TRPM8: variants seen among roughly 807,000 people sequenced by gnomAD.
The protein encoded by TRPM8 is TRPM8 cationic channel.
A neutral mutation model predicts 133.7 loss-of-function variants in TRPM8; 110 were observed. The observed-to-expected ratio is 0.82, with a 90% CI of 0.70 to 0.96. The LOEUF is 0.96. TRPM8 is among the 40% of genes least tolerant of loss of function. The pLI is 0.00. For missense variants in TRPM8, 1,291 were observed against 1,379.5 expected (o/e 0.94, Z 1.02); for synonymous variants, 535 against 532.3 (o/e 1.01, Z -0.07).
chr2:233,973,313 C>G (rs1691779433), intron 17 of TRPM8, among the ~76,000 whole-genome samples: 1 of 152,224 alleles, frequency 6.6e-6, no homozygotes, highest in African/African-American at 2.4e-5. Flanking sequence ...GGCCAGAAGT[C>G]TGAGATCAAG....
chr2:233,953,985 T>C lies in TRPM8; in HGVS notation c.1209T>C (p.Ile403=), dbSNP rs755844488. The change falls in exon 10 of 26, where the codon ATT becomes ATC. Residue 403 remains isoleucine, a synonymous_variant. Transcript: ENST00000324695. ...AAATGGAAGAAGCTGGGGATGAAAT[T>C]GTGAGCAATGCCATCTCCTACGCTC... ...VIKMEEAGDE[I]VSNAISYALY... 3.1e-6 allele frequency: 5 copies of C among 1,614,012 alleles called. No individual in the cohort carries two copies. The highest frequency in any genetic ancestry group is 1.6e-4 in the Middle Eastern group (1 of 6,062).
rs759345104 is a variant in TRPM8, at chr2:233,980,162, C to T, written c.2356-26C>T. The T allele has an allele frequency of 2.7e-6, 4 of 1,458,024 alleles. No homozygotes were observed. In the East Asian group the frequency reaches 9.3e-5, roughly 34 times the overall value. 90.3% of individuals were successfully genotyped at this position (1,458,024 alleles called of 1,614,324 possible). A position where few individuals can be genotyped will look rare whatever the true frequency, so the allele number is the denominator to read the frequency against. On this transcript the variant is annotated intron_variant, in intron 17 of 25. Transcript: ENST00000324695. Reference sequence around the variant, plus strand: ...GTTGATATTTCCAAGCTGCTGATGTCCCTCTCTGTCCCTTTCTGTACGCAG... The same window carrying T: ...GTTGATATTTCCAAGCTGCTGATGTTCCTCTCTGTCCCTTTCTGTACGCAG...
rs200706444 is a variant in TRPM8 at position 233,980,184 on chromosome 2, G to A, written c.2356-4G>A. 25 of 1,591,208 alleles carry A rather than the reference G, an allele frequency of 1.6e-5. No homozygotes were observed. In the Admixed American group the frequency reaches 2.3e-4, roughly 14 times the overall value. ...TGTCCCTCTCTGTCCCTTTCTGTACGCAGTGGTACGTAAATGGGGTGAATT... is the reference window on the plus strand; with the variant it reads ...TGTCCCTCTCTGTCCCTTTCTGTACACAGTGGTACGTAAATGGGGTGAATT... On this transcript the variant is annotated splice_polypyrimidine_tract_variant and splice_region_variant and intron_variant, in intron 17 of 25. Transcript: ENST00000324695.
At chr2:233,954,411 A>AC (rs1691242673) in intron 10 of TRPM8, among the ~76,000 whole-genome samples, 1 of 152,218 alleles carries the variant, frequency 6.6e-6, no homozygotes, top group South Asian at 2.1e-4. Flanking sequence ...CACCTAAGTA[A>AC]CTTTGCATTT....
chr2:233,945,962 G>A lies in TRPM8; in HGVS notation c.806G>A (p.Gly269Glu), dbSNP rs1178501496. 1.9e-6 allele frequency: 3 copies of A among 1,614,152 alleles called. No homozygotes were observed. The highest frequency in any genetic ancestry group is 1.7e-6 in the Non-Finnish European group (2 of 1,180,012). Residue 269 changes from glycine (G) to glutamate (E), a missense_variant, in exon 7 of 26, where the codon GGA becomes GAA. Physicochemically the swap from Gly to Glu is moderately conservative, Grantham distance 98. This residue lies in a region of TRPM8 where 963 missense variants were observed against 968.9 expected (regional missense o/e 0.99). Transcript: ENST00000324695. The part of the protein sequence containing the change: ...HLLLVDNGCH[G>E]HPTVEAKLRN... Reference sequence around the variant, plus strand: ...CTGCTCGTGGACAATGGCTGTCATGGACATCCCACTGTCGAAGCAAAGCTC... The same window carrying A: ...CTGCTCGTGGACAATGGCTGTCATGAACATCCCACTGTCGAAGCAAAGCTC...
chr2:234,007,373 A>T (rs769650805), intron 23 of TRPM8, among the ~76,000 whole-genome samples: 1 of 152,254 alleles, frequency 6.6e-6, no homozygotes, highest in Non-Finnish European at 1.5e-5. Flanking sequence ...ATTAGAAGAT[A>T]GAAAAACCAT....
intron 14 of TRPM8, among the ~76,000 whole-genome samples, chr2:233,965,316 T>C (rs1691540070): frequency 6.6e-6 from 1 of 152,198 alleles, no homozygotes; most frequent in Admixed American, 6.5e-5. Flanking sequence ...AGTTAGGACA[T>C]GCTGAGCTTC....
Position 233,981,780 on chromosome 2 carries a change from C to A in TRPM8, c.2454C>A (p.His818Gln). Reference sequence around the variant, plus strand: ...TTCCTTCTTTTCCCCCTAGGCTCCACTCTTCTAATAAAAGCTCTTTGTATT... The same window carrying A: ...TTCCTTCTTTTCCCCCTAGGCTCCAATCTTCTAATAAAAGCTCTTTGTATT... Reference protein sequence around the residue: ...YFIAGIVFRLHSSNKSSLYSG... With the variant: ...YFIAGIVFRLQSSNKSSLYSG... The change falls in exon 19 of 26, where the codon CAC becomes CAA. Residue 818 changes from histidine to glutamine, a missense_variant. By Grantham distance (24) the His-to-Gln change is conservative. Coordinates refer to ENST00000324695, the MANE Select transcript of TRPM8 (RefSeq NM_024080.5). The A allele has an allele frequency of 6.2e-7, 1 of 1,608,474 alleles. No individual in the cohort carries two copies. The highest frequency in any genetic ancestry group is 8.5e-7 in the Non-Finnish European group (1 of 1,178,276).
chr2:233,985,641 C>G, intron 20 of TRPM8, 47 bp from the exon 21 acceptor site: 1 of 1,579,426 alleles, frequency 6.3e-7, no homozygotes. Context: ...ATCGCTCTCA[C>G]CCCTCCAGAG....
At chr2:233,977,314 C>T (rs1383430433) in intron 17 of TRPM8, among the ~76,000 whole-genome samples, 1 of 152,144 alleles carries the variant, frequency 6.6e-6, no homozygotes, top group East Asian at 1.9e-4. Flanking sequence ...GAAATAGTGT[C>T]CTGGGATTTT....
chr2:233,933,753 A>G (rs1475689649), intron 3 of TRPM8: 1 of 163,784 alleles, frequency 6.1e-6, no homozygotes, highest in Admixed American at 6.5e-5. Flanking sequence ...CCATCCTCCA[A>G]TAAGCTTGGG....
Position 233,989,826 on chromosome 2 carries a change from G to T in TRPM8, c.2939+3961G>T, listed in dbSNP as rs773723343. Among the ~76,000 whole-genome samples the T allele has an allele frequency of 2.0e-5, 3 of 152,200 alleles. 1 individual carries two copies. The highest frequency in any genetic ancestry group is 6.8e-3 in the Middle Eastern group (2 of 294). On this transcript the variant is annotated intron_variant, in intron 21 of 25. Coordinates refer to ENST00000324695, the MANE Select transcript of TRPM8 (RefSeq NM_024080.5). This position sits in a 1 kb window ranked among gnomAD's most constrained non-coding sequence, Gnocchi z 4.2. ...CACAGGGCCTGTGTGGCTTATCAGCGGCAGGAAGTGAATTTAAAGTCAGTA... is the reference window on the plus strand; with the variant it reads ...CACAGGGCCTGTGTGGCTTATCAGCTGCAGGAAGTGAATTTAAAGTCAGTA...
intron 12 of TRPM8, among the ~76,000 whole-genome samples, chr2:233,962,404 AATGC>A (rs1691461795): frequency 3.9e-5 from 6 of 152,144 alleles, no homozygotes; most frequent in Non-Finnish European, 8.8e-5. Flanking sequence ...TTGACTTGAT[AATGC>A]ACTTTTTATG....
intron 5 of TRPM8, among the ~76,000 whole-genome samples, chr2:233,939,834 T>G (rs1182178760): frequency 6.6e-6 from 1 of 152,206 alleles, no homozygotes; most frequent in Non-Finnish European, 1.5e-5. Context: ...GTTGCAGGAA[T>G]CATGATCCTT....
intron 17 of TRPM8, among the ~76,000 whole-genome samples, chr2:233,972,456 C>T (rs534071752): frequency 1.1e-3 from 163 of 152,388 alleles, no homozygotes; most frequent in Non-Finnish European, 2.1e-3. Flanking sequence ...GCCAGTCCTG[C>T]GCTGTGCGCC....
rs1202257183 is a variant in TRPM8 at position 234,017,459 on chromosome 2, G to A, written c.*203G>A. The stretch of plus-strand genomic sequence containing the variant: ...TTTCATACTTGAAGACGGATATAAA[G>A]GAAGAATATTTCCTTTATGTGTTTC... On this transcript the variant is annotated 3_prime_UTR_variant, in exon 26 of 26. Transcript: ENST00000324695. 2.2e-6 allele frequency: 1 copy of A among 445,170 alleles called. No individual in the cohort carries two copies. Among genetic ancestry groups the A allele is most frequent in the Non-Finnish European group, 4.6e-6 (1 of 216,908 alleles). The allele number at this position is 445,170 out of a possible 1,614,324, so 27.6% of individuals were successfully genotyped here. A position where few individuals can be genotyped will look rare whatever the true frequency, so the allele number is the denominator to read the frequency against.
At chr2:233,955,438 G>A in intron 11 of TRPM8, 188 bp downstream of exon 11, 1 of 507,642 alleles carries the variant, frequency 2.0e-6, no homozygotes, top group East Asian at 3.4e-5. Context: ...TGACTTAGTA[G>A]GTTTGTTGTG....
intron 5 of TRPM8, 32 bp from the exon 6 acceptor site, chr2:233,942,544 C>T (rs1292580752): frequency 6.2e-7 from 1 of 1,613,594 alleles, no homozygotes; most frequent in East Asian, 2.2e-5. Context: ...CCCAGTGCCA[C>T]TTGACCATTT....
At chr2:233,969,670 G>A (rs756275209) in intron 15 of TRPM8, 25 bp from the exon 16 acceptor site, 1 of 1,445,144 alleles carries the variant, frequency 6.9e-7, no homozygotes, top group Non-Finnish European at 9.7e-7. Context: ...TAAGGACCTT[G>A]TTCTCTGTCT....
Sources: gnomAD v4.1 joint callset for allele counts (sites outside exome capture counted in the v4.1 genomes callset) on GRCh38, gnomAD v4.1.1 for gene constraint, gnomAD v4.1.1 regional missense constraint, Gnocchi (gnomAD v3.1) non-coding constraint, MANE v1.5 for transcripts, NCBI Gene and HGNC (gene_info 2026-07-23, HGNC 2026-07-21) for gene names.